Variants in RBFOX1 observed in about 807,000 individuals in gnomAD.
The protein encoded by RBFOX1 is RNA binding protein fox-1 homolog 1.
RBFOX1 carries 8 observed loss-of-function variants against 57.7 expected under a neutral mutation model. The observed-to-expected ratio is 0.14, with a 90% CI of 0.08 to 0.25. The LOEUF (loss-of-function observed/expected upper bound fraction) is 0.25, where lower values mean the gene tolerates loss of function less well. Among genes scored for constraint, RBFOX1 ranks in the 10% least tolerant of loss-of-function variants. The pLI, the probability that RBFOX1 is intolerant of heterozygous loss-of-function variation, is 1.00. For synonymous variants in RBFOX1, 326 were observed against 222.4 expected, an observed-to-expected ratio of 1.47 and a Z score of -4.15; for missense variants, 611 against 548.5, an observed-to-expected ratio of 1.11 and a Z score of -1.14.
At chr16:6,025,478 C>T (rs1237007775) in intron 1 of RBFOX1, among the ~76,000 whole-genome samples, 2 of 152,168 alleles carry the variant, frequency 1.3e-5, no homozygotes, top group Non-Finnish European at 2.9e-5. Flanking sequence ...CTGGGGCCTC[C>T]CTTCAAAGAG....
chr16:5,271,638 A>T (rs1985931), intron 1 of RBFOX1, among the ~76,000 whole-genome samples: 1,757 of 152,082 alleles, frequency 0.012, 28 homozygotes, highest in African/African-American at 0.041. Context: ...AAGGTCGATG[A>T]TGTGTCCCTG....
intron 3 of RBFOX1, among the ~76,000 whole-genome samples, chr16:7,035,481 G>A (rs1306914946): frequency 6.6e-6 from 1 of 152,162 alleles, no homozygotes; most frequent in Non-Finnish European, 1.5e-5. Flanking sequence ...CTTCCCCTGG[G>A]ATTATTTCAG....
intron 3 of RBFOX1, among the ~76,000 whole-genome samples, chr16:6,734,310 T>G (rs2069484150): frequency 6.6e-6 from 1 of 152,164 alleles, no homozygotes; most frequent in Non-Finnish European, 1.5e-5. Context: ...TTTGCTTTGT[T>G]CAGAAGGCAA....
intron 4 of RBFOX1, among the ~76,000 whole-genome samples, chr16:7,346,378 G>T (rs1381185478): frequency 6.6e-6 from 1 of 151,720 alleles, no homozygotes; most frequent in Non-Finnish European, 1.5e-5. Flanking sequence ...TTTAGTATTT[G>T]GTTCTAGCAA....
chr16:6,969,792 G>A (rs1450216338), intron 3 of RBFOX1, among the ~76,000 whole-genome samples: 1 of 151,914 alleles, frequency 6.6e-6, no homozygotes, highest in Non-Finnish European at 1.5e-5. Flanking sequence ...GCTCTCTGGT[G>A]CCCCCTTCAG....
intron 2 of RBFOX1, among the ~76,000 whole-genome samples, chr16:6,595,965 G>T (rs945366944): frequency 4.6e-5 from 7 of 151,548 alleles, no homozygotes; most frequent in African/African-American, 1.7e-4. Context: ...TTTATATAAG[G>T]GTTTTAATGG....
chr16:5,363,795 A>G (rs971140990), intron 1 of RBFOX1, among the ~76,000 whole-genome samples: 1 of 152,154 alleles, frequency 6.6e-6, no homozygotes, highest in Non-Finnish European at 1.5e-5. Flanking sequence ...GGTCAGAGAG[A>G]TCTCTCTTGA....
chr16:6,284,952 T>A (rs1360395281), intron 1 of RBFOX1, among the ~76,000 whole-genome samples: 1 of 152,158 alleles, frequency 6.6e-6, no homozygotes, highest in African/African-American at 2.4e-5. Flanking sequence ...TCCTCTTGCC[T>A]GACACAGAAA....
At chr16:6,036,911 C>G (rs545544609) in intron 1 of RBFOX1, among the ~76,000 whole-genome samples, 13 of 152,316 alleles carry the variant, frequency 8.5e-5, no homozygotes, top group African/African-American at 3.1e-4. Context: ...CTTTCAGACT[C>G]TTTTACCATG....
At chr16:7,167,559 G>A (rs999262820) in intron 4 of RBFOX1, among the ~76,000 whole-genome samples, 1 of 152,130 alleles carries the variant, frequency 6.6e-6, no homozygotes, top group African/African-American at 2.4e-5. Context: ...GACCCCGCCA[G>A]TACCTTGCTT....
chr16:5,575,924 A>G (rs535093429), intron 2 of RBFOX1, among the ~76,000 whole-genome samples: 2 of 151,626 alleles, frequency 1.3e-5, no homozygotes, highest in Non-Finnish European at 2.9e-5. Flanking sequence ...TTGCACTTAG[A>G]AGTGAAGACA....
chr16:7,361,922 G>A (rs764687195), intron 4 of RBFOX1, among the ~76,000 whole-genome samples: 31 of 149,074 alleles, frequency 2.1e-4, no homozygotes, highest in Non-Finnish European at 3.8e-4. Context: ...GTTTGCATAT[G>A]TGTGTTAGTG....
Position 7,347,889 on chromosome 16 carries a change from G to T in RBFOX1, c.28-170258G>T, listed in dbSNP as rs2097048371. On this transcript the variant is annotated intron_variant, in intron 4 of 15. Coordinates refer to ENST00000550418, the MANE Select transcript of RBFOX1 (RefSeq NM_018723.4). ...TTCCGAGACAGGCGTCTTGCAGGGT[G>T]TATTGATAGCCTTCAGTGCACCCTA... Among the ~76,000 whole-genome samples the T allele has an allele frequency of 2.0e-5, 3 of 152,132 alleles. No homozygotes were observed. In the South Asian group the frequency reaches 6.2e-4, roughly 32 times the overall value.
chr16:7,614,715 A>G (rs926812143), intron 10 of RBFOX1: 1 of 152,198 alleles, frequency 6.6e-6, no homozygotes, highest in Admixed American at 6.5e-5. Flanking sequence ...CATTGTCCAC[A>G]TAGTGAGAAA....
chr16:5,307,062 G>C (rs543948455), intron 1 of RBFOX1, among the ~76,000 whole-genome samples: 3 of 152,184 alleles, frequency 2.0e-5, no homozygotes, highest in East Asian at 1.9e-4. Context: ...TCTCCGTGGT[G>C]GGGGGTGGAG....
At chr16:6,059,672 TA>T (rs1451729944) in intron 1 of RBFOX1, among the ~76,000 whole-genome samples, 2 of 152,266 alleles carry the variant, frequency 1.3e-5, no homozygotes, top group Admixed American at 6.5e-5. Context: ...TTTTAGGTCT[TA>T]AGTTTCTTCC....
intron 4 of RBFOX1, among the ~76,000 whole-genome samples, chr16:7,231,679 C>A (rs1282926188): frequency 6.6e-6 from 1 of 152,060 alleles, no homozygotes; most frequent in African/African-American, 2.4e-5. Context: ...AATGGATGAA[C>A]AAAATGTGGT....
rs1359741149 is a variant in RBFOX1, at chr16:7,567,291, T to TA, written c.271-12486_271-12485insA. Among the ~76,000 whole-genome samples, 20 of 28,808 alleles carry TA rather than the reference T, an allele frequency of 6.9e-4. 4 individuals are homozygous for TA. The highest frequency in any genetic ancestry group is 1.6e-3 in the African/African-American group (16 of 9,908). The allele number at this position is 28,808 out of a possible 152,430, so 18.9% of individuals were successfully genotyped here. The stretch of plus-strand genomic sequence containing the variant: ...CCTATATATATATCCCTATATATCC[T>TA]TATATATGGCCCTATATATATATAT... On this transcript the variant is annotated intron_variant, in intron 5 of 15. Coordinates refer to ENST00000550418, the MANE Select transcript of RBFOX1 (RefSeq NM_018723.4).
At chr16:5,793,440 G>A (rs1215143660) in intron 3 of RBFOX1, among the ~76,000 whole-genome samples, 1 of 152,250 alleles carries the variant, frequency 6.6e-6, no homozygotes, top group African/African-American at 2.4e-5. Flanking sequence ...GTTGGCATGG[G>A]TGCTGGGGGA....
Sources: gnomAD v4.1 joint callset for allele counts (sites outside exome capture counted in the v4.1 genomes callset) on GRCh38, gnomAD v4.1.1 for gene constraint, MANE v1.5 for transcripts, NCBI Gene and HGNC (gene_info 2026-07-23, HGNC 2026-07-21) for gene names.